The following MAPRE2 variants were observed in gnomAD, a reference collection of about 807,000 sequenced individuals.
MAPRE2 encodes microtubule-associated protein RP/EB family member 2.
Under a neutral mutation model 43.2 loss-of-function variants are expected in MAPRE2, and 13 were observed. The observed-to-expected ratio is 0.30, with a 90% confidence interval of 0.20 to 0.48. MAPRE2 has a LOEUF of 0.48. Ranked by LOEUF, MAPRE2 falls within the 20% of genes least tolerant of loss-of-function variation. MAPRE2 has a pLI of 0.99. For synonymous variants in MAPRE2, 135 were observed against 148.8 expected (o/e 0.91, Z 0.68); for missense variants, 161 against 400.2 (o/e 0.40, Z 5.10).
intron 5 of MAPRE2, among the ~76,000 whole-genome samples, chr18:35,128,005 A>G (rs570139452): frequency 1.2e-4 from 19 of 152,340 alleles, no homozygotes; most frequent in African/African-American, 4.1e-4. Context: ...TCAGGGCCCC[A>G]GGCTGTTCCC....
chr18:35,042,815 G>A (rs1400446304), intron 1 of MAPRE2, among the ~76,000 whole-genome samples: 1 of 151,950 alleles, frequency 6.6e-6, no homozygotes, highest in East Asian at 1.9e-4. Flanking sequence ...CATTCAGATG[G>A]TATTATGGGT....
At chr18:35,091,922 G>C (rs543075427) in intron 2 of MAPRE2, among the ~76,000 whole-genome samples, 2 of 152,238 alleles carry the variant, frequency 1.3e-5, no homozygotes, top group South Asian at 4.1e-4. Flanking sequence ...TCTGCAGGCT[G>C]TACATATTGG....
At chr18:35,008,697 C>T (rs944058832) in intron 2 of MAPRE2, among the ~76,000 whole-genome samples, 16 of 152,086 alleles carry the variant, frequency 1.1e-4, no homozygotes, top group African/African-American at 3.9e-4. Context: ...GGTTTGGTTT[C>T]GTTTGGTTTG....
intron 2 of MAPRE2, among the ~76,000 whole-genome samples, chr18:35,008,334 C>G (rs2097032797): frequency 6.6e-6 from 1 of 151,988 alleles, no homozygotes; most frequent in Non-Finnish European, 1.5e-5. Flanking sequence ...GTCGACTATA[C>G]CAAATTTTTT....
intron 2 of MAPRE2, among the ~76,000 whole-genome samples, chr18:35,008,861 A>G (rs934867379): frequency 6.6e-6 from 1 of 152,152 alleles, no homozygotes; most frequent in Non-Finnish European, 1.5e-5. Context: ...TACTAGTTTC[A>G]CCATAACATT....
At chr18:35,081,691 A>C (rs1358264882) in intron 2 of MAPRE2, among the ~76,000 whole-genome samples, 3 of 152,134 alleles carry the variant, frequency 2.0e-5, no homozygotes, top group African/African-American at 7.2e-5. Context: ...TCTGGGGAAG[A>C]ATCCTGGAGC....
chr18:34,992,768 T>C (rs2097024459), intron 1 of MAPRE2, among the ~76,000 whole-genome samples: 1 of 152,202 alleles, frequency 6.6e-6, no homozygotes, highest in Non-Finnish European at 1.5e-5. Flanking sequence ...CCATTTAACA[T>C]ATGGAGAATG....
intron 1 of MAPRE2, among the ~76,000 whole-genome samples, chr18:35,002,442 G>C (rs1304437742): frequency 6.6e-6 from 1 of 152,164 alleles, no homozygotes; most frequent in East Asian, 1.9e-4. Context: ...GTGAGCAATT[G>C]CTGGGTGATA....
At chr18:35,085,798 A>G (rs1907848472) in intron 2 of MAPRE2, among the ~76,000 whole-genome samples, 1 of 152,192 alleles carries the variant, frequency 6.6e-6, no homozygotes, top group Non-Finnish European at 1.5e-5. Context: ...CGTTTTGCAC[A>G]TAAGAATACT....
At chr18:35,088,488 T>C (rs1268727870) in intron 2 of MAPRE2, among the ~76,000 whole-genome samples, 1 of 152,222 alleles carries the variant, frequency 6.6e-6, no homozygotes, top group Admixed American at 6.5e-5. Flanking sequence ...GATAGTTTCA[T>C]AGAAAACCAC....
At chr18:35,055,691 G>A (rs1005793087) in intron 1 of MAPRE2, among the ~76,000 whole-genome samples, 1 of 152,128 alleles carries the variant, frequency 6.6e-6, no homozygotes, top group Non-Finnish European at 1.5e-5. Context: ...GGTGGCTCAC[G>A]CCTGTAATCC....
intron 2 of MAPRE2, among the ~76,000 whole-genome samples, chr18:35,092,566 G>A (rs1908201869): frequency 6.6e-6 from 1 of 151,962 alleles, no homozygotes; most frequent in Non-Finnish European, 1.5e-5. Context: ...AGATTTTTTG[G>A]GTAAGACCTT....
intron 2 of MAPRE2, among the ~76,000 whole-genome samples, chr18:35,070,817 ACT>A: frequency 1.3e-5 from 2 of 151,480 alleles, no homozygotes; most frequent in East Asian, 1.9e-4. Flanking sequence ...TTCCCTAAAG[ACT>A]CTTTCCCTTT....
intron 2 of MAPRE2, chr18:35,005,559 G>T (rs1243476725): frequency 1.3e-6 from 2 of 1,523,578 alleles, no homozygotes; most frequent in African/African-American, 1.4e-5. Flanking sequence ...TCAAGGTAAG[G>T]TTTATATAAA....
chr18:35,086,682 TA>T (rs202170671), intron 2 of MAPRE2, among the ~76,000 whole-genome samples: 150 of 146,562 alleles, frequency 1.0e-3, no homozygotes, highest in African/African-American at 3.3e-3. Flanking sequence ...ATGTTTTTCT[TA>T]AAAAAAAAAA....
chr18:35,034,009 A>G (rs988223601), intron 2 of MAPRE2, among the ~76,000 whole-genome samples: 9 of 151,766 alleles, frequency 5.9e-5, no homozygotes, highest in African/African-American at 1.9e-4. Flanking sequence ...ATTGGAAAAA[A>G]CTACTTTAAA....
chr18:34,978,618 G>A (rs1303796372), intron 1 of MAPRE2: 5 of 1,286,934 alleles, frequency 3.9e-6, no homozygotes, highest in Non-Finnish European at 5.5e-6. Flanking sequence ...AAGCAAAAAG[G>A]GGTATGGCTC....
intron 1 of MAPRE2, among the ~76,000 whole-genome samples, chr18:34,981,859 T>C (rs1220786033): frequency 1.9e-5 from 2 of 103,392 alleles, no homozygotes; most frequent in Non-Finnish European, 4.4e-5. Flanking sequence ...TCAGCGACTT[T>C]ATTTATTTTT....
chr18:35,063,259 A>C (rs1193599545), intron 1 of MAPRE2, among the ~76,000 whole-genome samples: 1 of 151,734 alleles, frequency 6.6e-6, no homozygotes, highest in East Asian at 1.9e-4. Flanking sequence ...GCACACCACC[A>C]CGCCTGGCTA....
Sources: allele counts gnomAD v4.1 joint callset (sites outside exome capture counted in the v4.1 genomes callset), GRCh38; gene constraint gnomAD v4.1.1; transcripts MANE v1.5; gene names NCBI Gene and HGNC (gene_info 2026-07-23, HGNC 2026-07-21).